The following THSD4 variants were observed in gnomAD, a reference collection of about 807,000 sequenced individuals.
THSD4 encodes the protein thrombospondin type 1 domain containing 4.
A neutral mutation model predicts 119.0 loss-of-function variants in THSD4; 69 were observed. That is an observed-to-expected ratio of 0.58 (90% CI 0.48 to 0.71). The LOEUF (loss-of-function observed/expected upper bound fraction) is 0.71. THSD4 is among the 30% of genes least tolerant of loss of function. THSD4 has a pLI of 0.00. For synonymous variants in THSD4, 524 were observed against 540.4 expected, an observed-to-expected ratio of 0.97 and a Z score of 0.42; for missense variants, 1,393 against 1,391.1, an observed-to-expected ratio of 1.00 and a Z score of -0.02.
At position 71,138,000 on chromosome 15, in the gene THSD4, G is replaced by A. The variant is rs371780789; in HGVS notation, c.-79-3449G>A. Reference sequence around the variant, plus strand: ...GTTCAGGCAGTCTCCTCACTCTGGGGACAACTGCTCTCCCCCAAACCTTCT... The same window carrying A: ...GTTCAGGCAGTCTCCTCACTCTGGGAACAACTGCTCTCCCCCAAACCTTCT... On this transcript the variant is annotated intron_variant, in intron 1 of 17. Coordinates refer to ENST00000261862, the MANE Select transcript of THSD4 (RefSeq NM_024817.3). Among the ~76,000 whole-genome samples the A allele has an allele frequency of 2.9e-4, 44 of 152,260 alleles. No homozygotes were observed. In the East Asian group the frequency reaches 4.6e-3, roughly 16 times the overall value.
intron 15 of THSD4, among the ~76,000 whole-genome samples, chr15:71,764,115 G>A (rs544475991): frequency 1.3e-5 from 2 of 150,978 alleles, no homozygotes. Flanking sequence ...GCAAGGCAGT[G>A]CACACCTGTG....
At chr15:71,641,940 G>A (rs1017972471) in intron 7 of THSD4, among the ~76,000 whole-genome samples, 2 of 152,182 alleles carry the variant, frequency 1.3e-5, no homozygotes, top group Non-Finnish European at 2.9e-5. Flanking sequence ...GTAGTCCTGA[G>A]AAGACGACCT....
chr15:71,193,784 T>G (rs538110113), intron 3 of THSD4, among the ~76,000 whole-genome samples: 1 of 152,184 alleles, frequency 6.6e-6, no homozygotes, highest in African/African-American at 2.4e-5. Flanking sequence ...CTCGGCTCTC[T>G]GCAAGCTCCG....
At chr15:71,354,750 C>T (rs373600815) in intron 6 of THSD4, among the ~76,000 whole-genome samples, 1 of 152,258 alleles carries the variant, frequency 6.6e-6, no homozygotes, top group African/African-American at 2.4e-5. Flanking sequence ...CAGGTTAAAG[C>T]GTGAAGACTA....
At chr15:71,746,565 T>C (rs1441861840) in intron 12 of THSD4, among the ~76,000 whole-genome samples, 1 of 152,074 alleles carries the variant, frequency 6.6e-6, no homozygotes, top group East Asian at 1.9e-4. Context: ...CAGCTAACTT[T>C]GGTATTTTTT....
intron 7 of THSD4, among the ~76,000 whole-genome samples, chr15:71,539,277 G>T (rs2048726584): frequency 6.6e-6 from 1 of 152,162 alleles, no homozygotes. Context: ...TTCCTGCATG[G>T]CCAGCTCCCT....
intron 8 of THSD4, among the ~76,000 whole-genome samples, chr15:71,727,930 G>A (rs1187338315): frequency 6.6e-6 from 1 of 152,084 alleles, no homozygotes; most frequent in Non-Finnish European, 1.5e-5. Context: ...GGTGGGGACT[G>A]GGGCAAATCA....
chr15:71,629,901 T>C (rs2050589254), intron 7 of THSD4, among the ~76,000 whole-genome samples: 1 of 152,216 alleles, frequency 6.6e-6, no homozygotes, highest in Admixed American at 6.5e-5. Context: ...TAGTGATGGC[T>C]TGGCTCTGGA....
At chr15:71,169,200 C>G (rs1280112655) in intron 3 of THSD4, among the ~76,000 whole-genome samples, 3 of 152,128 alleles carry the variant, frequency 2.0e-5, no homozygotes, top group African/African-American at 7.2e-5. Context: ...GGTAGTCAAT[C>G]AAAATCATTA....
At chr15:71,731,038 C>T (rs2052967507) in intron 9 of THSD4, 83 bp from the exon 10 acceptor site, 1 of 1,293,306 alleles carries the variant, frequency 7.7e-7, no homozygotes, top group Non-Finnish European at 1.1e-6. Context: ...AGTCATTTCT[C>T]AGTAGTTCTG....
chr15:71,476,380 G>A (rs542617121), intron 7 of THSD4, among the ~76,000 whole-genome samples: 2 of 152,232 alleles, frequency 1.3e-5, no homozygotes, highest in South Asian at 2.1e-4. Context: ...TACTAGTAGC[G>A]GGAGGCACCT....
chr15:71,416,716 G>A (rs149776068), intron 7 of THSD4, among the ~76,000 whole-genome samples: 813 of 55,938 alleles, frequency 0.015, 107 homozygotes, highest in African/African-American at 0.047. Flanking sequence ...ATTTTATTTT[G>A]TTTTGTTTTG....
chr15:71,560,176 CA>C (rs1485767546), intron 7 of THSD4, among the ~76,000 whole-genome samples: 1 of 152,120 alleles, frequency 6.6e-6, no homozygotes. Flanking sequence ...AAATTTCAAG[CA>C]AGGCATTTTT....
Position 71,554,094 on chromosome 15 carries a change from G to GGTTT in THSD4, c.1153-106435_1153-106432dup, listed in dbSNP as rs1555426014. On this transcript the variant is annotated intron_variant, in intron 7 of 17. Coordinates refer to ENST00000261862, the MANE Select transcript of THSD4 (RefSeq NM_024817.3). ...TTTTCGTTTGTTTTTTGTTTGGTTT[G>GGTTT]GTTTTTTTTTTTTCAGATGGAGTCT... 9.1e-5 allele frequency among the ~76,000 whole-genome samples: 4 copies of GGTTT among 44,102 alleles called. No individual in the cohort carries two copies. In the South Asian group the frequency reaches 2.3e-3, roughly 25 times the overall value. The allele number at this position is 44,102 out of a possible 152,430, so 28.9% of individuals were successfully genotyped here.
chr15:71,672,295 G>C (rs2051548106), intron 8 of THSD4, among the ~76,000 whole-genome samples: 1 of 152,088 alleles, frequency 6.6e-6, no homozygotes, highest in Non-Finnish European at 1.5e-5. Context: ...TTTGTCTGTT[G>C]CTGGTGTATA....
chr15:71,340,603 CTTTTTTTTTT>C (rs780712768), intron 6 of THSD4, among the ~76,000 whole-genome samples: 1 of 115,232 alleles, frequency 8.7e-6, no homozygotes, highest in Non-Finnish European at 1.8e-5. Flanking sequence ...CATCCAGAGA[CTTTTTTTTTT>C]TTTTTTTTTT....
In THSD4 at chr15:71,184,125, A is replaced by C. The variant is rs151089941; in HGVS notation, c.99+29193A>C. 89 of 151,910 alleles carry C rather than the reference A, an allele frequency of 5.9e-4. 2 individuals carry two copies. The highest frequency in any genetic ancestry group is 1.8e-3 in the African/African-American group (73 of 41,538). The allele number at this position is 151,910 out of a possible 1,614,324, so 9.4% of individuals were successfully genotyped here. ...TCTTAAACCACATGTTTGGAGGCAC[A>C]GGGTCATTCCTGCTGTTACACTGAG... On this transcript the variant is annotated intron_variant, in intron 3 of 17. Transcript: ENST00000261862.
At chr15:71,326,693 A>ATATATATAT (rs56829453) in intron 6 of THSD4, among the ~76,000 whole-genome samples, 1 of 50,506 alleles carries the variant, frequency 2.0e-5, no homozygotes, top group Non-Finnish European at 3.8e-5. Context: ...AAAAAAAAAA[A>ATATATATAT]AAAAAAAATA....
At chr15:71,129,658 A>G (rs541794420) in intron 1 of THSD4, among the ~76,000 whole-genome samples, 2 of 152,314 alleles carry the variant, frequency 1.3e-5, no homozygotes, top group African/African-American at 2.4e-5. Flanking sequence ...ACCTGATTTT[A>G]GCCTTACCTA....
Sources: allele counts gnomAD v4.1 joint callset (sites outside exome capture counted in the v4.1 genomes callset), GRCh38; gene constraint gnomAD v4.1.1; transcripts MANE v1.5; gene names NCBI Gene and HGNC (gene_info 2026-07-23, HGNC 2026-07-21).